The following CACNA2D3 variants were observed in gnomAD, a reference collection of about 807,000 sequenced individuals.
The protein encoded by CACNA2D3 is calcium voltage-gated channel auxiliary subunit alpha2delta 3.
CACNA2D3 carries 60 observed loss-of-function variants against 160.6 expected under a neutral mutation model. The ratio of observed to expected loss-of-function variants is 0.37; its 90% confidence interval spans 0.30 to 0.46. The LOEUF (loss-of-function observed/expected upper bound fraction) is 0.46, where lower values mean the gene tolerates loss of function less well. CACNA2D3 is among the 20% of genes least tolerant of loss of function. CACNA2D3 has a pLI of 1.00. For synonymous variants in CACNA2D3, 558 were observed against 492.9 expected (o/e 1.13, Z -1.75); for missense variants, 1,205 against 1,365.0 (o/e 0.88, Z 1.85).
At chr3:54,389,171 G>A (rs1231759062) in intron 4 of CACNA2D3, among the ~76,000 whole-genome samples, 2 of 151,764 alleles carry the variant, frequency 1.3e-5, no homozygotes, top group Non-Finnish European at 2.9e-5. Flanking sequence ...GGCAGGTGCC[G>A]GTAATCCCAG....
intron 29 of CACNA2D3, among the ~76,000 whole-genome samples, chr3:54,981,167 A>G (rs1021127330): frequency 1.3e-5 from 2 of 152,228 alleles, no homozygotes; most frequent in Non-Finnish European, 2.9e-5. Flanking sequence ...ACAAGACAAT[A>G]GGGAAATGTC....
At chr3:54,303,816 C>CTTTTTTTT (rs1703531152) in intron 2 of CACNA2D3, among the ~76,000 whole-genome samples, 3 of 60,708 alleles carry the variant, frequency 4.9e-5, no homozygotes, top group African/African-American at 1.9e-4. Context: ...GACTTTTTTT[C>CTTTTTTTT]TGTTTTTTTT....
chr3:54,509,597 G>T (rs561691869), intron 5 of CACNA2D3, among the ~76,000 whole-genome samples: 1 of 152,186 alleles, frequency 6.6e-6, no homozygotes, highest in Admixed American at 6.5e-5. Flanking sequence ...CTCGCACATG[G>T]TCTGTTGGTA....
rs149270831 is a variant in CACNA2D3 at position 54,814,446 on chromosome 3, C to T, written c.1381-2407C>T. The stretch of plus-strand genomic sequence containing the variant: ...CTGGCCCCTAGGGCAGGGCCCTGCA[C>T]GCAAGTCATGAATGCTGGGTGACAA... On this transcript the variant is annotated intron_variant, in intron 13 of 37. Coordinates refer to ENST00000474759, the MANE Select transcript of CACNA2D3 (RefSeq NM_018398.3). 3.2e-3 allele frequency among the ~76,000 whole-genome samples: 487 copies of T among 152,316 alleles called. 2 individuals are homozygous for T. Among genetic ancestry groups the T allele is most frequent in the African/African-American group, 0.011 (452 of 41,580 alleles).
intron 5 of CACNA2D3, among the ~76,000 whole-genome samples, chr3:54,514,417 T>C (rs1701510914): frequency 6.6e-6 from 1 of 152,226 alleles, no homozygotes; most frequent in South Asian, 2.1e-4. Context: ...TTTGCAGAAC[T>C]GGGTTCTGTG....
At chr3:55,034,588 T>A (rs4955922) in intron 35 of CACNA2D3, among the ~76,000 whole-genome samples, 38,772 of 151,956 alleles carry the variant, frequency 0.26, 5,150 homozygotes, top group Admixed American at 0.32. Flanking sequence ...TTCAGCAGTA[T>A]AACTACTGAT....
chr3:55,038,332 A>G (rs1703875535), intron 35 of CACNA2D3, among the ~76,000 whole-genome samples: 1 of 152,160 alleles, frequency 6.6e-6, no homozygotes. Context: ...GCATTTTTCC[A>G]ATGGGTTTTC....
chr3:54,413,962 T>A (rs558487869), intron 4 of CACNA2D3, among the ~76,000 whole-genome samples: 5 of 151,724 alleles, frequency 3.3e-5, no homozygotes, highest in African/African-American at 1.2e-4. Context: ...TCTTATAGTA[T>A]GCTAGACATT....
At chr3:54,127,827 G>A (rs1270921546) in intron 2 of CACNA2D3, among the ~76,000 whole-genome samples, 1 of 152,140 alleles carries the variant, frequency 6.6e-6, no homozygotes, top group African/African-American at 2.4e-5. Context: ...TTCAGTTTGT[G>A]CCTCTTATGC....
At chr3:54,925,818 A>G (rs149939949) in intron 27 of CACNA2D3, among the ~76,000 whole-genome samples, 4,017 of 152,282 alleles carry the variant, frequency 0.026, 80 homozygotes, top group Admixed American at 0.041. Context: ...CATGTGGCTA[A>G]TGGTTACTGT....
intron 2 of CACNA2D3, among the ~76,000 whole-genome samples, chr3:54,224,668 CTCTTG>C (rs1268947466): frequency 1.3e-5 from 2 of 152,202 alleles, no homozygotes; most frequent in Non-Finnish European, 2.9e-5. Context: ...TTTTGCCTCT[CTCTTG>C]TCTTTCGTGT....
chr3:54,968,298 A>G (rs1702197039), intron 27 of CACNA2D3, among the ~76,000 whole-genome samples, 152 bp from the exon 28 acceptor site: 2 of 152,232 alleles, frequency 1.3e-5, no homozygotes, highest in Admixed American at 1.3e-4. Flanking sequence ...CTTTACCTGA[A>G]AGATAAAATG....
intron 4 of CACNA2D3, among the ~76,000 whole-genome samples, chr3:54,470,911 A>G (rs995832516): frequency 1.1e-4 from 16 of 152,232 alleles, no homozygotes; most frequent in African/African-American, 3.4e-4. Context: ...TAGATTCATA[A>G]AGCGAGTTCT....
intron 4 of CACNA2D3, among the ~76,000 whole-genome samples, chr3:54,429,054 C>T (rs1387205526): frequency 2.0e-5 from 3 of 152,054 alleles, no homozygotes; most frequent in Admixed American, 6.6e-5. Flanking sequence ...GAGGAAGATG[C>T]GATGGTTTGG....
intron 2 of CACNA2D3, among the ~76,000 whole-genome samples, chr3:54,149,337 C>T (rs1700098028): frequency 6.6e-6 from 1 of 151,456 alleles, no homozygotes. Context: ...ATCTATGCTA[C>T]CTCCACCAGC....
intron 2 of CACNA2D3, among the ~76,000 whole-genome samples, chr3:54,170,561 C>G (rs976542607): frequency 6.6e-6 from 1 of 152,174 alleles, no homozygotes; most frequent in Non-Finnish European, 1.5e-5. Flanking sequence ...TGCACCTCCT[C>G]TGTGTTGATC....
At chr3:54,519,137 C>T (rs1299486793) in intron 5 of CACNA2D3, among the ~76,000 whole-genome samples, 1 of 15,300 alleles carries the variant, frequency 6.5e-5, no homozygotes, top group Non-Finnish European at 1.2e-4. Context: ...TTTGGGGAGA[C>T]ATGAAATGCC....
At chr3:54,131,492 C>A (rs1395630063) in intron 2 of CACNA2D3, among the ~76,000 whole-genome samples, 1 of 152,236 alleles carries the variant, frequency 6.6e-6, no homozygotes, top group Non-Finnish European at 1.5e-5. Flanking sequence ...CAGAAGCCAG[C>A]TGCAGATAAC....
rs1420291281 is a variant in CACNA2D3 at position 54,905,267 on chromosome 3, G to A, written c.2449+5399G>A. ...TTTGCATAACTCAGGGCAGTGTAATGAAGGGGAAGATCCCATTTAACCAGC... is the reference window on the plus strand; with the variant it reads ...TTTGCATAACTCAGGGCAGTGTAATAAAGGGGAAGATCCCATTTAACCAGC... On this transcript the variant is annotated intron_variant, in intron 27 of 37. Coordinates refer to ENST00000474759, the MANE Select transcript of CACNA2D3 (RefSeq NM_018398.3). Among the ~76,000 whole-genome samples the A allele has an allele frequency of 2.0e-5, 3 of 152,204 alleles. 1 individual carries two copies. Among genetic ancestry groups the A allele is most frequent in the Non-Finnish European group, 4.4e-5 (3 of 68,028 alleles).
Sources: allele counts gnomAD v4.1 joint callset (sites outside exome capture counted in the v4.1 genomes callset), GRCh38; gene constraint gnomAD v4.1.1; transcripts MANE v1.5; gene names NCBI Gene and HGNC (gene_info 2026-07-23, HGNC 2026-07-21).